The following FUT8 variants were observed in gnomAD, a reference collection of about 807,000 sequenced individuals.
FUT8 encodes the protein alpha-(1,6)-fucosyltransferase.
In FUT8, 29 loss-of-function variants were observed where a neutral mutation model predicts 71.3. That is an observed-to-expected ratio of 0.41 (90% CI 0.30 to 0.55). The LOEUF is 0.55. Among genes scored for constraint, FUT8 ranks in the 20% least tolerant of loss-of-function variants. The pLI is 0.34. For synonymous variants in FUT8, 254 were observed against 239.3 expected (o/e 1.06, Z -0.57); for missense variants, 544 against 702.1 (o/e 0.77, Z 2.55).
intron 2 of FUT8, among the ~76,000 whole-genome samples, chr14:65,519,979 G>T (rs1040703606): frequency 6.6e-6 from 1 of 151,922 alleles, no homozygotes; most frequent in African/African-American, 2.4e-5. Context: ...GGGTTTTGCC[G>T]TGTTGCCCAG....
chr14:65,727,464 C>T (rs1410559748), intron 9 of FUT8, among the ~76,000 whole-genome samples: 2 of 152,166 alleles, frequency 1.3e-5, no homozygotes, highest in East Asian at 3.9e-4. Context: ...GGGCTTCCAC[C>T]CTCTGAAGCA....
intron 1 of FUT8, 54 bp from the exon 2 acceptor site, chr14:65,455,567 T>G: frequency 2.5e-6 from 1 of 397,882 alleles, no homozygotes; most frequent in Admixed American, 4.4e-5. Flanking sequence ...TATATAATAA[T>G]GCTAACTGAA....
rs144661963 is a variant in FUT8 at position 65,515,055 on chromosome 14, C to G, written c.-227-46282C>G. On this transcript the variant is annotated intron_variant, in intron 2 of 10. Transcript: ENST00000673929. Reference sequence around the variant, plus strand: ...AATCAAATTATTTTGTCTTTCCAAACCTCATTTTTCTCTAACATAAAATCA... The same window carrying G: ...AATCAAATTATTTTGTCTTTCCAAAGCTCATTTTTCTCTAACATAAAATCA... Among the ~76,000 whole-genome samples the G allele has an allele frequency of 1.7e-3, 255 of 152,210 alleles. 1 individual carries two copies. Among genetic ancestry groups the G allele is most frequent in the African/African-American group, 5.7e-3 (236 of 41,542 alleles).
chr14:65,405,149 G>A, the FUT8 span, among the ~76,000 whole-genome samples: 3 of 152,144 alleles, frequency 2.0e-5, no homozygotes, highest in Non-Finnish European at 2.9e-5. Context: ...TAATAGGATG[G>A]AGAGAAGCGA....
At chr14:65,519,861 C>T (rs2139855634) in intron 2 of FUT8, among the ~76,000 whole-genome samples, 1 of 152,288 alleles carries the variant, frequency 6.6e-6, no homozygotes, top group South Asian at 2.1e-4. Flanking sequence ...TCACTCCAGC[C>T]TCCATTTTCT....
chr14:65,359,212 C>T, the FUT8 span, among the ~76,000 whole-genome samples: 4 of 152,140 alleles, frequency 2.6e-5, no homozygotes, highest in African/African-American at 9.7e-5. Context: ...AGGATGCAAA[C>T]AATCTGGAGC....
chr14:65,356,988 A>C, the FUT8 span, among the ~76,000 whole-genome samples: 1 of 152,210 alleles, frequency 6.6e-6, no homozygotes. The surrounding 1 kb of genome is among the most constrained non-coding windows in gnomAD (Gnocchi z 4.6). Flanking sequence ...AGTTCTCCCC[A>C]GGAGAGGTAA....
chr14:65,586,786 A>G (rs1438657216), intron 3 of FUT8, among the ~76,000 whole-genome samples: 1 of 152,236 alleles, frequency 6.6e-6, no homozygotes, highest in Admixed American at 6.5e-5. Context: ...TAAATGTACT[A>G]TATTTTAAAA....
At chr14:65,511,939 A>G (rs1224433611) in intron 2 of FUT8, among the ~76,000 whole-genome samples, 1 of 151,932 alleles carries the variant, frequency 6.6e-6, no homozygotes, top group Non-Finnish European at 1.5e-5. Flanking sequence ...CCATTTTGTA[A>G]TTTGTTTTCT....
At chr14:65,553,049 G>C (rs1885378231) in intron 2 of FUT8, among the ~76,000 whole-genome samples, 4 of 152,118 alleles carry the variant, frequency 2.6e-5, no homozygotes, top group African/African-American at 7.2e-5. Flanking sequence ...TCAACCTCCA[G>C]GGCTCAAGTG....
intron 3 of FUT8, among the ~76,000 whole-genome samples, chr14:65,600,750 C>G (rs564217206): frequency 6.6e-6 from 1 of 152,092 alleles, no homozygotes. Flanking sequence ...AGAAAATTTG[C>G]AGCATATGGA....
At chr14:65,675,987 ACT>A (rs1266199031) in intron 7 of FUT8, among the ~76,000 whole-genome samples, 1 of 152,108 alleles carries the variant, frequency 6.6e-6, no homozygotes, top group Non-Finnish European at 1.5e-5. Context: ...AGAGAGCAAG[ACT>A]CTGTTTCAAA....
At chr14:65,610,782 TAAAA>T (rs922190359) in intron 3 of FUT8, among the ~76,000 whole-genome samples, 1 of 151,872 alleles carries the variant, frequency 6.6e-6, no homozygotes, top group Non-Finnish European at 1.5e-5. Context: ...AAATTTTGTT[TAAAA>T]AAAATTTTGT....
intron 1 of FUT8, among the ~76,000 whole-genome samples, chr14:65,433,390 GAAGA>G (rs1466739169): frequency 5.3e-5 from 8 of 152,218 alleles, no homozygotes; most frequent in Admixed American, 4.6e-4. Flanking sequence ...AAGACAAACT[GAAGA>G]AAGGCTTATT....
At chr14:65,717,410 G>T (rs1315307217) in intron 7 of FUT8, among the ~76,000 whole-genome samples, 2 of 139,648 alleles carry the variant, frequency 1.4e-5, no homozygotes, top group Non-Finnish European at 3.1e-5. Context: ...TCCCAGATGG[G>T]GCAGCTGGGC....
chr14:65,457,738 A>T (rs1304062446), intron 2 of FUT8, among the ~76,000 whole-genome samples: 1 of 152,210 alleles, frequency 6.6e-6, no homozygotes, highest in Non-Finnish European at 1.5e-5. Context: ...GAGTTTCACA[A>T]TACAGTGCCT....
chr14:65,454,903 G>C (rs1477364771), intron 1 of FUT8, among the ~76,000 whole-genome samples: 1 of 152,136 alleles, frequency 6.6e-6, no homozygotes, highest in African/African-American at 2.4e-5. Context: ...AGTAGGAGAA[G>C]GGCCCCTGAT....
chr14:65,677,152 G>GTGTGTGTGTGCGTGCGCGCGCGCGCGCA, intron 7 of FUT8, among the ~76,000 whole-genome samples: 1 of 59,546 alleles, frequency 1.7e-5, no homozygotes, highest in South Asian at 4.2e-4. Flanking sequence ...GTGTGTGTGT[G>GTGTGTGTGTGCGTGCGCGCGCGCGCGCA]CGCGCGCGCA....
the FUT8 span, among the ~76,000 whole-genome samples, chr14:65,370,468 A>G: frequency 6.6e-6 from 1 of 151,706 alleles, no homozygotes. Flanking sequence ...TCGGCCTCCC[A>G]AAGTGCTAGG....
Sources: allele counts gnomAD v4.1 joint callset (sites outside exome capture counted in the v4.1 genomes callset), GRCh38; gene constraint gnomAD v4.1.1; non-coding constraint Gnocchi (gnomAD v3.1); transcripts MANE v1.5; gene names NCBI Gene and HGNC (gene_info 2026-07-23, HGNC 2026-07-21).